Variants in GAD2 observed in about 807,000 individuals in gnomAD.
GAD2 encodes the protein 65 kDa glutamic acid decarboxylase.
Under a neutral mutation model 80.1 loss-of-function variants are expected in GAD2, and 22 were observed. The observed-to-expected ratio is 0.27, with a 90% CI of 0.20 to 0.39. GAD2 has a LOEUF of 0.39. Among genes scored for constraint, GAD2 ranks in the 10% least tolerant of loss-of-function variants. GAD2 has a pLI of 1.00. For missense variants in GAD2, 624 were observed against 738.4 expected (o/e 0.85, Z 1.80); for synonymous variants, 274 against 256.9 (o/e 1.07, Z -0.64).
chr10:26,278,035 A>C (rs1371343247), intron 11 of GAD2, among the ~76,000 whole-genome samples: 1 of 152,000 alleles, frequency 6.6e-6, no homozygotes, highest in Non-Finnish European at 1.5e-5. Context: ...AATCAAGTCC[A>C]TGTCATCGAA....
intron 15 of GAD2, among the ~76,000 whole-genome samples, chr10:26,295,162 G>A (rs1402877845): frequency 6.6e-6 from 1 of 152,186 alleles, no homozygotes. Context: ...ATGCCTCCTA[G>A]GTTTCAGCAC....
intron 8 of GAD2, among the ~76,000 whole-genome samples, chr10:26,268,607 T>G (rs1294441384): frequency 1.3e-5 from 2 of 152,192 alleles, no homozygotes; most frequent in Non-Finnish European, 2.9e-5. Flanking sequence ...GCCCATGAAT[T>G]TTTGGCCTTC....
chr10:26,244,376 T>G (rs1844780396), intron 7 of GAD2, among the ~76,000 whole-genome samples: 1 of 152,172 alleles, frequency 6.6e-6, no homozygotes, highest in Non-Finnish European at 1.5e-5. Flanking sequence ...TAATTCCACT[T>G]CTAAGTATCT....
intron 10 of GAD2, among the ~76,000 whole-genome samples, chr10:26,271,602 T>C (rs1845137363): frequency 6.6e-6 from 1 of 152,172 alleles, no homozygotes; most frequent in African/African-American, 2.4e-5. Flanking sequence ...ATTGCAAGAC[T>C]TTCTCAGTGA....
intron 6 of GAD2, among the ~76,000 whole-genome samples, chr10:26,227,824 C>T (rs927358797): frequency 2.6e-5 from 4 of 152,184 alleles, no homozygotes; most frequent in African/African-American, 9.7e-5. Flanking sequence ...CCTTTCACAC[C>T]GGGTGTCTGC....
At chr10:26,298,086 G>A (rs1677612580) in intron 15 of GAD2, among the ~76,000 whole-genome samples, 2 of 152,214 alleles carry the variant, frequency 1.3e-5, no homozygotes, top group South Asian at 2.1e-4. Context: ...GAAAGAATGT[G>A]TGTAAGGTCA....
At chr10:26,273,780 A>G in intron 11 of GAD2, 80 bp downstream of exon 11, 1 of 1,245,806 alleles carries the variant, frequency 8.0e-7, no homozygotes, top group East Asian at 2.4e-5. Context: ...ATTTCCAGGA[A>G]CTTTTGGAAT....
intron 8 of GAD2, among the ~76,000 whole-genome samples, chr10:26,262,137 G>GTCT (rs888026128): frequency 1.3e-5 from 2 of 150,644 alleles, no homozygotes; most frequent in Non-Finnish European, 3.0e-5. Flanking sequence ...GCTTTCCATT[G>GTCT]TCTTCTCTAT....
At chr10:26,253,579 GGAT>G (rs1844907337) in intron 8 of GAD2, among the ~76,000 whole-genome samples, 1 of 152,200 alleles carries the variant, frequency 6.6e-6, no homozygotes, top group African/African-American at 2.4e-5. Context: ...TCTATTGTAT[GGAT>G]GATAATTTGG....
At chr10:26,296,339 G>A (rs1193905598) in intron 15 of GAD2, among the ~76,000 whole-genome samples, 1 of 152,146 alleles carries the variant, frequency 6.6e-6, no homozygotes, top group Non-Finnish European at 1.5e-5. Context: ...AATAAGGAAG[G>A]GAAACAACAT....
chr10:26,244,875 G>T (rs573094196), intron 7 of GAD2, among the ~76,000 whole-genome samples: 2 of 152,192 alleles, frequency 1.3e-5, no homozygotes, highest in Non-Finnish European at 2.9e-5. Context: ...AATAAGGCTG[G>T]GCACAGTGGC....
At chr10:26,218,183 G>A in intron 3 of GAD2, 192 bp downstream of exon 3, 1 of 550,410 alleles carries the variant, frequency 1.8e-6, no homozygotes, top group Non-Finnish European at 3.0e-6. Flanking sequence ...CCCGAACCTG[G>A]CCTCGGAGCT....
chr10:26,222,345 A>C (rs755276261), intron 4 of GAD2, among the ~76,000 whole-genome samples: 2 of 152,082 alleles, frequency 1.3e-5, no homozygotes, highest in Non-Finnish European at 2.9e-5. Context: ...CATAGACACC[A>C]CATTCATCCA....
At chr10:26,260,580 A>T (rs1474651976) in intron 8 of GAD2, among the ~76,000 whole-genome samples, 2 of 152,176 alleles carry the variant, frequency 1.3e-5, no homozygotes, top group African/African-American at 4.8e-5. Flanking sequence ...GTGAGCCAAG[A>T]TCGAGCCACT....
At position 26,292,617 on chromosome 10, in the gene GAD2, C is replaced by T. The variant is rs1194278879; in HGVS notation, c.1494+45C>T. Reference sequence around the variant, plus strand: ...CAATCTCAGAAAGTTTAGTCAATTCCAACCCTCATCACTGATATGATGTAA... The same window carrying T: ...CAATCTCAGAAAGTTTAGTCAATTCTAACCCTCATCACTGATATGATGTAA... On this transcript the variant is annotated intron_variant, in intron 14 of 15. Coordinates refer to ENST00000376261, the MANE Select transcript of GAD2 (RefSeq NM_001134366.2). 3.7e-6 allele frequency: 5 copies of T among 1,365,518 alleles called. No individual in the cohort carries two copies. In the Admixed American group the frequency reaches 8.4e-5, roughly 23 times the overall value. The allele number at this position is 1,365,518 out of a possible 1,614,324, so 84.6% of individuals were successfully genotyped here.
intron 7 of GAD2, among the ~76,000 whole-genome samples, chr10:26,236,290 CTTTTCTT>C (rs1293829621): frequency 2.0e-5 from 3 of 148,370 alleles, no homozygotes; most frequent in Admixed American, 1.3e-4. Flanking sequence ...AGATGACTTT[CTTTTCTT>C]TTTTCTTTTT....
intron 7 of GAD2, among the ~76,000 whole-genome samples, chr10:26,232,468 A>ATTTTTTTTT (rs1564658024): frequency 7.6e-6 from 1 of 131,690 alleles, no homozygotes; most frequent in Non-Finnish European, 1.6e-5. Context: ...AACTCAGTCT[A>ATTTTTTTTT]CTTTTTTTTT....
rs935141486 is a variant in GAD2, at chr10:26,302,177, C to T, written c.*1216C>T. The T allele has an allele frequency of 3.3e-5, 5 of 152,148 alleles. No homozygotes were observed. The highest frequency in any genetic ancestry group is 2.1e-4 in the South Asian group (1 of 4,806). 9.4% of individuals were successfully genotyped at this position (152,148 alleles called of 1,614,324 possible). A position where few individuals can be genotyped will look rare whatever the true frequency, so the allele number is the denominator to read the frequency against. On this transcript the variant is annotated 3_prime_UTR_variant, in exon 16 of 16. Transcript: ENST00000376261. Reference sequence around the variant, plus strand: ...CAGGCCAGTTGCGCATTTCCATCCCCTCCCCATTCCTCCCCACAAAGTCTC... The same window carrying T: ...CAGGCCAGTTGCGCATTTCCATCCCTTCCCCATTCCTCCCCACAAAGTCTC...
intron 12 of GAD2, among the ~76,000 whole-genome samples, chr10:26,281,947 T>C (rs1845276860): frequency 6.6e-6 from 1 of 152,086 alleles, no homozygotes; most frequent in African/African-American, 2.4e-5. Flanking sequence ...TTCATTTACT[T>C]TTTTTTTCTT....
Sources: allele counts gnomAD v4.1 joint callset (sites outside exome capture counted in the v4.1 genomes callset), GRCh38; gene constraint gnomAD v4.1.1; transcripts MANE v1.5; gene names NCBI Gene and HGNC (gene_info 2026-07-23, HGNC 2026-07-21).